CRTAC1: variants seen among roughly 807,000 people sequenced by gnomAD.
The protein encoded by CRTAC1 is cartilage acidic protein 1.
A neutral mutation model predicts 67.8 loss-of-function variants in CRTAC1; 37 were observed. The observed-to-expected ratio is 0.55, with a 90% CI of 0.42 to 0.72. The LOEUF is 0.72. Among genes scored for constraint, CRTAC1 ranks in the 30% least tolerant of loss-of-function variants. The pLI is 0.00. For synonymous variants in CRTAC1, 348 were observed against 371.0 expected, an observed-to-expected ratio of 0.94 and a Z score of 0.71; for missense variants, 780 against 931.6, an observed-to-expected ratio of 0.84 and a Z score of 2.12.
chr10:98,024,498 G>A (rs536225100), intron 1 of CRTAC1, among the ~76,000 whole-genome samples: 1 of 152,144 alleles, frequency 6.6e-6, no homozygotes, highest in African/African-American at 2.4e-5. Context: ...TTCTTGGAGG[G>A]AGGGGGCACA....
chr10:97,997,402 G>C (rs548404995), intron 2 of CRTAC1, among the ~76,000 whole-genome samples: 1 of 140,914 alleles, frequency 7.1e-6, no homozygotes, highest in Non-Finnish European at 1.5e-5. Context: ...GCAGTGAGCC[G>C]AGATACTGCC....
rs142003269 is a variant in CRTAC1, at chr10:97,895,903, G to T, written c.1299C>A (p.Ser433=). The part of the protein sequence containing the change: ...SHGESMAQPL[S]VFRGNQGFNN... Reference sequence around the variant, plus strand: ...AGCGCACCTGATTGCCCCGGAAGACGGACAGCGGCTGAGCCATGGACTCTC... The same window carrying T: ...AGCGCACCTGATTGCCCCGGAAGACTGACAGCGGCTGAGCCATGGACTCTC... Residue 433 remains serine (S), a synonymous_variant, in exon 10 of 15, where the codon TCC becomes TCA. Coordinates refer to ENST00000370597, the MANE Select transcript of CRTAC1 (RefSeq NM_018058.7). This position sits in a 1 kb window ranked among gnomAD's most constrained non-coding sequence, Gnocchi z 4.2. 7 of 1,613,162 alleles carry T rather than the reference G, an allele frequency of 4.3e-6. No individual in the cohort carries two copies. In the South Asian group the frequency reaches 7.7e-5, roughly 18 times the overall value.
chr10:97,963,258 T>C (rs1564914075), intron 2 of CRTAC1, among the ~76,000 whole-genome samples: 1 of 152,164 alleles, frequency 6.6e-6, no homozygotes, highest in Non-Finnish European at 1.5e-5. Flanking sequence ...CCTCTTCTTT[T>C]TCCTGGACTG....
At position 97,962,652 on chromosome 10, in the gene CRTAC1, T is replaced by C. The variant is rs114782570; in HGVS notation, c.225-26286A>G. Among the ~76,000 whole-genome samples the C allele has an allele frequency of 3.5e-3, 532 of 152,254 alleles. 9 individuals carry two copies. The highest frequency in any genetic ancestry group is 0.012 in the African/African-American group (509 of 41,544). On this transcript the variant is annotated intron_variant, in intron 2 of 14. Coordinates refer to ENST00000370597, the MANE Select transcript of CRTAC1 (RefSeq NM_018058.7). ...GGCTACTGGTGCCATGAGGTTCTTA[T>C]AGGTGGGGAATTCAGGGGCCGCTAC...
At chr10:97,982,728 G>A (rs1435209185) in intron 2 of CRTAC1, among the ~76,000 whole-genome samples, 2 of 152,186 alleles carry the variant, frequency 1.3e-5, no homozygotes, top group Non-Finnish European at 2.9e-5. Flanking sequence ...CCGCAATTGT[G>A]TAAATTCAGG....
rs1843344668 is a variant in CRTAC1 at position 98,030,307 on chromosome 10, G to C, written c.24+142C>G. On this transcript the variant is annotated intron_variant, in intron 1 of 14. Coordinates refer to ENST00000370597, the MANE Select transcript of CRTAC1 (RefSeq NM_018058.7). This position sits in a 1 kb window ranked among gnomAD's most constrained non-coding sequence, Gnocchi z 4.2. ...CAGCGCCTCCCAGCAAGTTAGGAGC[G>C]AAGCCGCCGCCTTCGCGATCCCAGT... The C allele has an allele frequency of 2.0e-6, 1 of 500,286 alleles. No homozygotes were observed. Among genetic ancestry groups the C allele is most frequent in the Non-Finnish European group, 3.2e-6 (1 of 312,306 alleles). The allele number at this position is 500,286 out of a possible 1,614,324, so 31.0% of individuals were successfully genotyped here. A position where few individuals can be genotyped will look rare whatever the true frequency, so the allele number is the denominator to read the frequency against.
chr10:97,886,522 C>G (rs1427947026), intron 11 of CRTAC1, among the ~76,000 whole-genome samples: 2 of 152,250 alleles, frequency 1.3e-5, no homozygotes, highest in African/African-American at 4.8e-5. Flanking sequence ...CCTTACCGTT[C>G]TGGGTTTTGC....
chr10:97,945,939 T>C (rs2051256831), intron 2 of CRTAC1, among the ~76,000 whole-genome samples: 1 of 152,216 alleles, frequency 6.6e-6, no homozygotes, highest in Non-Finnish European at 1.5e-5. Flanking sequence ...GTGCTCAGCA[T>C]GTGCTCGATG....
intron 1 of CRTAC1, among the ~76,000 whole-genome samples, chr10:98,014,223 A>G (rs1462577135): frequency 6.6e-6 from 1 of 152,206 alleles, no homozygotes; most frequent in Non-Finnish European, 1.5e-5. Context: ...CATCGGCATC[A>G]CTTAGGAGCT....
intron 11 of CRTAC1, among the ~76,000 whole-genome samples, chr10:97,885,943 A>G (rs1380074850): frequency 6.6e-6 from 1 of 152,264 alleles, no homozygotes; most frequent in African/African-American, 2.4e-5. Context: ...TGTTGAATGT[A>G]TATTCGCATT....
At chr10:97,984,851 G>C (rs2051954401) in intron 2 of CRTAC1, among the ~76,000 whole-genome samples, 1 of 152,200 alleles carries the variant, frequency 6.6e-6, no homozygotes, top group African/African-American at 2.4e-5. Context: ...AGTTCAAAGG[G>C]AAGGCCGAAG....
chr10:97,991,099 C>CCAAAAAAAAA (rs1554932158), intron 2 of CRTAC1, among the ~76,000 whole-genome samples: 27 of 17,976 alleles, frequency 1.5e-3, no homozygotes, highest in African/African-American at 4.5e-3. Context: ...ACCATCTCTA[C>CCAAAAAAAAA]AAAAAAAAAA....
rs982138290 is a variant in CRTAC1, at chr10:97,928,643, C to G, written c.422-5243G>C. Among the ~76,000 whole-genome samples the G allele has an allele frequency of 5.9e-5, 9 of 152,198 alleles. No individual in the cohort carries two copies. In the South Asian group the frequency reaches 1.9e-3, roughly 32 times the overall value. ...ACCAGACAGTATGTCTGGGAGATGC[C>G]TTGAAATCAGGATGGAAGAGTCGCT... is the stretch of plus-strand genomic sequence containing the variant. On this transcript the variant is annotated intron_variant, in intron 3 of 14. Coordinates refer to ENST00000370597, the MANE Select transcript of CRTAC1 (RefSeq NM_018058.7).
intron 1 of CRTAC1, among the ~76,000 whole-genome samples, chr10:98,019,849 C>T (rs890028018): frequency 1.3e-5 from 2 of 152,210 alleles, no homozygotes; most frequent in Non-Finnish European, 2.9e-5. Context: ...TCCCTCTCCA[C>T]CTGCCTGAGC....
chr10:97,994,296 T>A (rs999317847), intron 2 of CRTAC1, among the ~76,000 whole-genome samples: 1 of 152,240 alleles, frequency 6.6e-6, no homozygotes, highest in Non-Finnish European at 1.5e-5. Flanking sequence ...TTTTTATATA[T>A]TCTTAAGAAT....
intron 2 of CRTAC1, among the ~76,000 whole-genome samples, chr10:97,940,586 A>G (rs2051156933): frequency 6.6e-6 from 1 of 152,176 alleles, no homozygotes. Flanking sequence ...GAGCCATCCC[A>G]TTTTGGTGCC....
chr10:97,932,173 C>T (rs372967830), intron 3 of CRTAC1, among the ~76,000 whole-genome samples: 3 of 152,278 alleles, frequency 2.0e-5, no homozygotes, highest in East Asian at 1.9e-4. Flanking sequence ...TTTGCTCCCA[C>T]GGTTTCTCTT....
chr10:97,914,284 CT>C (rs2050728356), intron 5 of CRTAC1, among the ~76,000 whole-genome samples: 1 of 152,094 alleles, frequency 6.6e-6, no homozygotes, highest in Non-Finnish European at 1.5e-5. Flanking sequence ...GTGCATCCCC[CT>C]GTACCTTGCA....
intron 11 of CRTAC1, among the ~76,000 whole-genome samples, chr10:97,892,762 G>C (rs1018603973): frequency 6.6e-6 from 1 of 152,204 alleles, no homozygotes; most frequent in Non-Finnish European, 1.5e-5. Context: ...GGTATCTTGT[G>C]CCTTTAGGGC....
Sources: gnomAD v4.1 joint callset for allele counts (sites outside exome capture counted in the v4.1 genomes callset) on GRCh38, gnomAD v4.1.1 for gene constraint, Gnocchi (gnomAD v3.1) non-coding constraint, MANE v1.5 for transcripts, NCBI Gene and HGNC (gene_info 2026-07-23, HGNC 2026-07-21) for gene names.